Variants in PPFIBP2 observed in about 807,000 individuals in gnomAD.
PPFIBP2 encodes the protein liprin-beta-2.
PPFIBP2 carries 118 observed loss-of-function variants against 118.3 expected under a neutral mutation model. The ratio of observed to expected loss-of-function variants is 1.00; its 90% CI spans 0.86 to 1.16. The LOEUF (loss-of-function observed/expected upper bound fraction) is 1.16, where lower values mean the gene tolerates loss of function less well. PPFIBP2 is among the 50% of genes most tolerant of loss of function. The probability of loss-of-function intolerance (pLI) is 0.00; values close to 1 mark genes in which losing one functional copy is unlikely to be tolerated. For missense variants in PPFIBP2, 1,195 were observed against 1,073.1 expected, an observed-to-expected ratio of 1.11 and a Z score of -1.59; for synonymous variants, 414 against 397.4, an observed-to-expected ratio of 1.04 and a Z score of -0.50.
At chr11:7,597,166 G>A in intron 4 of PPFIBP2, 2 of 1,457,292 alleles carry the variant, frequency 1.4e-6, no homozygotes, top group South Asian at 1.4e-5. Flanking sequence ...CATGAAGTTT[G>A]GACCGCTCTT....
intron 3 of PPFIBP2, among the ~76,000 whole-genome samples, chr11:7,589,991 T>C (rs1424702790): frequency 1.3e-5 from 2 of 152,242 alleles, no homozygotes; most frequent in Non-Finnish European, 2.9e-5. Flanking sequence ...AAGCTTATTA[T>C]GCCTTGATGA....
rs759980176 is a variant in PPFIBP2, at chr11:7,653,464, C to G, written c.*246C>G. On this transcript the variant is annotated 3_prime_UTR_variant, in exon 24 of 24. Transcript: ENST00000299492. ...TCAGGAGGAAAGACACTTAAAGACA[C>G]TTTTACATGTCTAGTAATTCTTGAT... 1 of 1,489,352 alleles carries G rather than the reference C, an allele frequency of 6.7e-7. No homozygotes were observed. The highest frequency in any genetic ancestry group is 8.9e-7 in the Non-Finnish European group (1 of 1,118,210). The allele number at this position is 1,489,352 out of a possible 1,614,324, so 92.3% of individuals were successfully genotyped here.
At chr11:7,665,496 G>C in the PPFIBP2 span, 1 of 1,613,866 alleles carries the variant, frequency 6.2e-7, no homozygotes. Context: ...GGAGGAGGAA[G>C]GTGCTCCTTG....
At chr11:7,642,080 G>A (rs1247441525) in intron 16 of PPFIBP2, 3 of 521,706 alleles carry the variant, frequency 5.8e-6, no homozygotes, top group East Asian at 3.3e-5. Context: ...GACTTCTATG[G>A]CAAGTGACCA....
rs949371292 is a variant in PPFIBP2, at chr11:7,617,274, G to C, written c.619-3661G>C. On this transcript the variant is annotated intron_variant, in intron 6 of 23. Coordinates refer to ENST00000299492, the MANE Select transcript of PPFIBP2 (RefSeq NM_003621.5). Reference sequence around the variant, plus strand: ...GCCCCAGCCCTGCAGCCAGGACTGTGCCTGTTGGGAGGGGTCACCTGTAGG... The same window carrying C: ...GCCCCAGCCCTGCAGCCAGGACTGTCCCTGTTGGGAGGGGTCACCTGTAGG... 1.7e-5 allele frequency: 17 copies of C among 985,336 alleles called. 1 individual carries two copies. In the South Asian group the frequency reaches 7.5e-4, roughly 44 times the overall value. The allele number at this position is 985,336 out of a possible 1,614,324, so 61.0% of individuals were successfully genotyped here. A position where few individuals can be genotyped will look rare whatever the true frequency, so the allele number is the denominator to read the frequency against.
At chr11:7,537,200 G>A (rs1031128920) in intron 1 of PPFIBP2, among the ~76,000 whole-genome samples, 3 of 152,206 alleles carry the variant, frequency 2.0e-5, no homozygotes, top group African/African-American at 7.2e-5. Flanking sequence ...AGCTGGGGCA[G>A]CTTCATTCGC....
At chr11:7,521,811 G>T (rs1484650256) in intron 1 of PPFIBP2, among the ~76,000 whole-genome samples, 1 of 152,094 alleles carries the variant, frequency 6.6e-6, no homozygotes, top group Non-Finnish European at 1.5e-5. Flanking sequence ...TGGTTATTTC[G>T]TATGGTAGAC....
At chr11:7,545,946 A>C (rs1162364825) in intron 1 of PPFIBP2, among the ~76,000 whole-genome samples, 1 of 152,108 alleles carries the variant, frequency 6.6e-6, no homozygotes, top group Non-Finnish European at 1.5e-5. Flanking sequence ...CCAAGGACTG[A>C]GCGACCCATG....
the PPFIBP2 span, chr11:7,666,776 T>C: frequency 1.1e-3 from 450 of 420,898 alleles, 1 homozygote; most frequent in Non-Finnish European, 1.2e-3. Flanking sequence ...CCATGGGATG[T>C]AGGTTCCCAT....
At chr11:7,533,045 TG>T (rs1850883543) in intron 1 of PPFIBP2, among the ~76,000 whole-genome samples, 1 of 151,182 alleles carries the variant, frequency 6.6e-6, no homozygotes, top group Non-Finnish European at 1.5e-5. Flanking sequence ...TTTTTTTTGT[TG>T]TTGTTGCTTA....
chr11:7,523,199 T>C (rs989343802), intron 1 of PPFIBP2, among the ~76,000 whole-genome samples: 3 of 152,154 alleles, frequency 2.0e-5, no homozygotes, highest in African/African-American at 7.2e-5. Context: ...GCTGGAGTTC[T>C]TCAATCCTCC....
At chr11:7,574,062 CA>C (rs1034893122) in intron 3 of PPFIBP2, 2 of 152,142 alleles carry the variant, frequency 1.3e-5, no homozygotes, top group African/African-American at 2.4e-5. Context: ...GACCCTAGGA[CA>C]GGGGTGGAGC....
intron 2 of PPFIBP2, among the ~76,000 whole-genome samples, chr11:7,562,694 T>C (rs77450818): frequency 0.015 from 2,249 of 152,038 alleles, 25 homozygotes; most frequent in Non-Finnish European, 0.021. Context: ...CAAAGCCCCA[T>C]GGTGGCATCT....
the PPFIBP2 span, chr11:7,667,126 G>A: frequency 6.6e-6 from 1 of 152,192 alleles, no homozygotes; most frequent in African/African-American, 2.4e-5. Context: ...TCTCATCCCA[G>A]TCATTCCACT....
At chr11:7,614,479 C>T (rs1848414444) in intron 6 of PPFIBP2, among the ~76,000 whole-genome samples, 1 of 152,172 alleles carries the variant, frequency 6.6e-6, no homozygotes, top group Admixed American at 6.5e-5. Context: ...GCATATTGTT[C>T]TACCATCCAA....
At chr11:7,519,667 A>G (rs1221042116) in intron 1 of PPFIBP2, among the ~76,000 whole-genome samples, 1 of 152,180 alleles carries the variant, frequency 6.6e-6, no homozygotes, top group Non-Finnish European at 1.5e-5. Context: ...ACAGGAGAAC[A>G]GGGAAAAAGG....
Position 7,631,841 on chromosome 11 carries a change from G to A in PPFIBP2, c.1068+813G>A, listed in dbSNP as rs115001046. On this transcript the variant is annotated intron_variant, in intron 11 of 23. Coordinates refer to ENST00000299492, the MANE Select transcript of PPFIBP2 (RefSeq NM_003621.5). The stretch of plus-strand genomic sequence containing the variant: ...ACCAAGTCTTACTGGATACCTCCAC[G>A]TGGTCACTGTGATGAACATTGTATC... 7.2e-3 allele frequency among the ~76,000 whole-genome samples: 1,099 copies of A among 152,288 alleles called. 16 individuals are homozygous for A. Among genetic ancestry groups the A allele is most frequent in the African/African-American group, 0.025 (1,053 of 41,564 alleles).
rs556747087 is a variant in PPFIBP2 at position 7,597,155 on chromosome 11, C to T, written c.373-405C>T. 4.3e-3 allele frequency: 6,264 copies of T among 1,446,390 alleles called. 17 individuals are homozygous for T. Among genetic ancestry groups the T allele is most frequent in the Non-Finnish European group, 5.3e-3 (5,884 of 1,104,140 alleles). The allele number at this position is 1,446,390 out of a possible 1,614,324, so 89.6% of individuals were successfully genotyped here. A position where few individuals can be genotyped will look rare whatever the true frequency, so the allele number is the denominator to read the frequency against. On this transcript the variant is annotated intron_variant, in intron 4 of 23. Transcript: ENST00000299492. ...GAGAGGTAAGGTCATTGGTTAGTTTCCATGAAGTTTGGACCGCTCTTCCAC... is the reference window on the plus strand; with the variant it reads ...GAGAGGTAAGGTCATTGGTTAGTTTTCATGAAGTTTGGACCGCTCTTCCAC...
rs918429420 is a variant in PPFIBP2 at position 7,593,312 on chromosome 11, C to T, written c.372+88C>T. On this transcript the variant is annotated intron_variant, in intron 4 of 23. Transcript: ENST00000299492. ...GTGGAAGGGAAGCCCAAGAGATTTT[C>T]TCTGTTGGAATTTTTCTCCTTCCAA... 6.5e-5 allele frequency: 97 copies of T among 1,500,530 alleles called. No individual in the cohort carries two copies. The Admixed American group carries it at 1.3e-3, about 21-fold the overall frequency. 93.0% of individuals were successfully genotyped at this position (1,500,530 alleles called of 1,614,324 possible).
Sources: gnomAD v4.1 joint callset for allele counts (sites outside exome capture counted in the v4.1 genomes callset) on GRCh38, gnomAD v4.1.1 for gene constraint, MANE v1.5 for transcripts, NCBI Gene and HGNC (gene_info 2026-07-23, HGNC 2026-07-21) for gene names.